The following ANK2 variants were observed in gnomAD, a reference collection of about 807,000 sequenced individuals.
ANK2 encodes the protein ankyrin-2.
Under a neutral mutation model 360.5 loss-of-function variants are expected in ANK2, and 83 were observed. The ratio of observed to expected loss-of-function variants is 0.23; its 90% CI spans 0.19 to 0.28. The LOEUF is 0.28. Among genes scored for constraint, ANK2 ranks in the 10% least tolerant of loss-of-function variants. The pLI is 1.00. For missense variants in ANK2, 4,201 were observed against 4,795.7 expected (o/e 0.88, Z 3.66); for synonymous variants, 1,740 against 1,759.5 (o/e 0.99, Z 0.28).
chr4:112,710,900 GTT>G, the ANK2 span, among the ~76,000 whole-genome samples: 6 of 106,862 alleles, frequency 5.6e-5, no homozygotes, highest in African/African-American at 2.7e-4. Flanking sequence ...TTTTGAACAG[GTT>G]TTATATATAT....
At chr4:112,714,037 C>T in the ANK2 span, among the ~76,000 whole-genome samples, 3 of 151,800 alleles carry the variant, frequency 2.0e-5, no homozygotes, top group Admixed American at 1.3e-4. Flanking sequence ...TATTGCTCTG[C>T]GTCCTTGTCA....
intron 21 of ANK2, among the ~76,000 whole-genome samples, chr4:113,292,774 A>G (rs1009927377): frequency 6.6e-6 from 1 of 152,062 alleles, no homozygotes; most frequent in African/African-American, 2.4e-5. Flanking sequence ...GGCTGCTGGA[A>G]CGTGCTCTGC....
At chr4:113,338,369 G>C (rs1368604353) in intron 31 of ANK2, among the ~76,000 whole-genome samples, 2 of 151,938 alleles carry the variant, frequency 1.3e-5, no homozygotes, top group Non-Finnish European at 2.9e-5. Flanking sequence ...CAATGTACAG[G>C]GGCCATCCTT....
chr4:112,733,138 C>T, the ANK2 span, among the ~76,000 whole-genome samples: 1 of 152,074 alleles, frequency 6.6e-6, no homozygotes, highest in Non-Finnish European at 1.5e-5. Flanking sequence ...ATTGCTTGAA[C>T]CCGGCAGGTG....
the ANK2 span, among the ~76,000 whole-genome samples, chr4:112,786,791 C>T: frequency 1.4e-5 from 2 of 146,930 alleles, no homozygotes; most frequent in East Asian, 2.0e-4. Context: ...CTTTGTCGCA[C>T]AGGCTGGAGT....
intron 2 of ANK2, among the ~76,000 whole-genome samples, chr4:112,916,927 C>T (rs573566040): frequency 5.0e-4 from 76 of 152,186 alleles, no homozygotes; most frequent in African/African-American, 1.7e-3. Context: ...TTTTAAGGAA[C>T]TCAGAATCAT....
chr4:112,990,218 A>G (rs116509255), intron 2 of ANK2, among the ~76,000 whole-genome samples: 2,717 of 152,300 alleles, frequency 0.018, 53 homozygotes, highest in African/African-American at 0.041. Flanking sequence ...CTAGTGAGCC[A>G]TGATTGTGCC....
chr4:113,135,639 T>C (rs1385791360), intron 1 of ANK2, among the ~76,000 whole-genome samples: 1 of 152,122 alleles, frequency 6.6e-6, no homozygotes, highest in African/African-American at 2.4e-5. Flanking sequence ...TCCATATGTT[T>C]ATAGTGACAC....
chr4:113,118,238 A>G (rs905414917), intron 1 of ANK2, among the ~76,000 whole-genome samples: 9 of 152,208 alleles, frequency 5.9e-5, no homozygotes, highest in African/African-American at 2.2e-4. Flanking sequence ...AAATGTTTTA[A>G]TTAACAAAGT....
At chr4:113,232,374 T>G in intron 5 of ANK2, 115 bp downstream of exon 5, 1 of 827,830 alleles carries the variant, frequency 1.2e-6, no homozygotes, top group African/African-American at 1.7e-5. Flanking sequence ...AATGTTCATG[T>G]TACTATTATA....
rs2154019501 is a variant in ANK2, at chr4:113,353,988, A to C, written c.5370A>C (p.Arg1790Ser). 1 of 1,614,114 alleles carries C rather than the reference A, an allele frequency of 6.2e-7. No individual in the cohort carries two copies. The stretch of plus-strand genomic sequence containing the variant: ...AAGGTCGAAGCAAGTTGCCCATCAG[A>C]GTCAAAGGCAAGGAGGACGTGCCAA... Reference protein sequence around the residue: ...EQKGRSKLPIRVKGKEDVPKK... With the variant: ...EQKGRSKLPISVKGKEDVPKK... Residue 1790 changes from arginine (R) to serine (S), a missense_variant, in exon 38 of 46, where the codon AGA becomes AGC. Arg to Ser is a moderately radical substitution (Grantham distance 110). Coordinates refer to ENST00000357077, the MANE Select transcript of ANK2 (RefSeq NM_001148.6).
intron 41 of ANK2, among the ~76,000 whole-genome samples, chr4:113,366,255 G>C (rs560496996): frequency 6.9e-4 from 105 of 152,024 alleles, no homozygotes; most frequent in Non-Finnish European, 1.2e-3. Context: ...TTCACCTATT[G>C]TTTCCTCTTT....
chr4:112,908,027 A>G (rs2085840417), intron 2 of ANK2, among the ~76,000 whole-genome samples: 1 of 152,186 alleles, frequency 6.6e-6, no homozygotes, highest in African/African-American at 2.4e-5. Context: ...TTGCTTTTCC[A>G]TTAGGGTATG....
At chr4:112,939,582 T>C (rs1208880457) in intron 2 of ANK2, among the ~76,000 whole-genome samples, 1 of 152,216 alleles carries the variant, frequency 6.6e-6, no homozygotes, top group Non-Finnish European at 1.5e-5. Flanking sequence ...CCCAAAGTGC[T>C]GGGATTACAG....
intron 1 of ANK2, among the ~76,000 whole-genome samples, chr4:113,129,083 A>T (rs1444813320): frequency 6.6e-6 from 1 of 152,224 alleles, no homozygotes; most frequent in African/African-American, 2.4e-5. Context: ...TCTGAGCAAC[A>T]AAATAACTAA....
chr4:112,822,311 A>G (rs1375063547), intron 1 of ANK2, among the ~76,000 whole-genome samples: 3 of 149,914 alleles, frequency 2.0e-5, no homozygotes, highest in Non-Finnish European at 4.4e-5. Context: ...CCAGTTACTC[A>G]GGAGACTGAG....
At chr4:112,711,163 G>C in the ANK2 span, among the ~76,000 whole-genome samples, 2 of 150,168 alleles carry the variant, frequency 1.3e-5, no homozygotes, top group African/African-American at 2.5e-5. Context: ...CAGGCACAGT[G>C]GCTCACGCCT....
At chr4:112,816,830 G>A (rs1300647303), upstream of ANK2, among the ~76,000 whole-genome samples, 1 of 152,172 alleles carries the variant, frequency 6.6e-6, no homozygotes, top group Non-Finnish European at 1.5e-5. Context: ...GGACAACATG[G>A]TGAAACCCTA....
At chr4:112,980,918 T>C (rs1322356240) in intron 2 of ANK2, among the ~76,000 whole-genome samples, 1 of 152,248 alleles carries the variant, frequency 6.6e-6, no homozygotes, top group Non-Finnish European at 1.5e-5. Flanking sequence ...AAGCTTATGA[T>C]TGGCTGCTTA....
Sources: allele counts gnomAD v4.1 joint callset (sites outside exome capture counted in the v4.1 genomes callset), GRCh38; gene constraint gnomAD v4.1.1; transcripts MANE v1.5; gene names NCBI Gene and HGNC (gene_info 2026-07-23, HGNC 2026-07-21).